The following SCOC variants were observed in gnomAD, a reference collection of about 807,000 sequenced individuals.
SCOC encodes the protein short coiled-coil protein.
A neutral mutation model predicts 9.9 loss-of-function variants in SCOC; 7 were observed. That is an observed-to-expected ratio of 0.71 (90% CI 0.40 to 1.33). The LOEUF (loss-of-function observed/expected upper bound fraction) is 1.33. Ranked by LOEUF, SCOC falls within the 40% of genes most tolerant of loss-of-function variation. SCOC has a pLI of 0.01. For missense variants in SCOC, 66 were observed against 89.7 expected (o/e 0.74, Z 1.07); for synonymous variants, 19 against 28.2 (o/e 0.67, Z 1.03).
rs1727800825 is a variant in SCOC, at chr4:140,366,438, G to A, written c.71-12683G>A. ...GCAGCAGTAGCACGCTTCGCAGCAGGTGCTTTTTTGGGAGAAGCTTTTGGA... is the reference window on the plus strand; with the variant it reads ...GCAGCAGTAGCACGCTTCGCAGCAGATGCTTTTTTGGGAGAAGCTTTTGGA... On this transcript the variant is annotated intron_variant, in intron 2 of 4. Transcript: ENST00000338517. 46 of 1,479,370 alleles carry A rather than the reference G, an allele frequency of 3.1e-5. 1 individual carries two copies. In the South Asian group the frequency reaches 5.3e-4, roughly 17 times the overall value. 91.6% of individuals were successfully genotyped at this position (1,479,370 alleles called of 1,614,324 possible). A position where few individuals can be genotyped will look rare whatever the true frequency, so the allele number is the denominator to read the frequency against.
intron 1 of SCOC, among the ~76,000 whole-genome samples, chr4:140,270,921 T>G (rs1730830257): frequency 6.6e-6 from 1 of 152,180 alleles, no homozygotes; most frequent in Non-Finnish European, 1.5e-5. Flanking sequence ...AAGTCATATC[T>G]TCACCAAGGG....
At chr4:140,274,013 T>TGGAAAATATAATCTC (rs1560677313) in intron 1 of SCOC, among the ~76,000 whole-genome samples, 2 of 152,352 alleles carry the variant, frequency 1.3e-5, no homozygotes, top group South Asian at 2.1e-4. Context: ...CTGTTTTCTA[T>TGGAAAATATAATCTC]GGAAAATATA....
chr4:140,268,472 A>G (rs914384347), intron 1 of SCOC, among the ~76,000 whole-genome samples: 9 of 152,246 alleles, frequency 5.9e-5, no homozygotes, highest in Non-Finnish European at 1.2e-4. Context: ...TTATAATGTC[A>G]TTTAAAAAAT....
chr4:140,310,421 C>G (rs905739021), intron 1 of SCOC, among the ~76,000 whole-genome samples: 6 of 152,102 alleles, frequency 3.9e-5, no homozygotes, highest in Non-Finnish European at 7.4e-5. Context: ...TTGGTATATC[C>G]TTTTTTACAA....
intron 1 of SCOC, chr4:140,285,225 C>T (rs1279274646): frequency 4.4e-6 from 2 of 456,756 alleles, no homozygotes; most frequent in East Asian, 6.9e-5. Context: ...TCTTCCTCTG[C>T]CTCCCTGCAA....
chr4:140,316,403 G>A lies in SCOC; in HGVS notation c.-18-27218G>A, dbSNP rs577528517. On this transcript the variant is annotated intron_variant, in intron 1 of 4. Transcript: ENST00000394205. ...TTAGTTGTCTGTAATGCCATTAACAGCAATTATTTCAATCTATGTATATAG... is the reference window on the plus strand; with the variant it reads ...TTAGTTGTCTGTAATGCCATTAACAACAATTATTTCAATCTATGTATATAG... 2.0e-5 allele frequency among the ~76,000 whole-genome samples: 3 copies of A among 152,216 alleles called. No homozygotes were observed. In the South Asian group the frequency reaches 6.2e-4, roughly 32 times the overall value.
intron 1 of SCOC, among the ~76,000 whole-genome samples, chr4:140,265,071 C>G (rs1032070052): frequency 7.2e-5 from 11 of 152,084 alleles, no homozygotes; most frequent in African/African-American, 1.7e-4. Flanking sequence ...TGTTGTGTCT[C>G]TTTTATATCA....
At chr4:140,306,779 G>GGTATGA (rs1732002493) in intron 1 of SCOC, among the ~76,000 whole-genome samples, 1 of 90,526 alleles carries the variant, frequency 1.1e-5, no homozygotes, top group African/African-American at 8.0e-5. Flanking sequence ...GTATGTTGTA[G>GGTATGA]GTAGGAGAAG....
upstream of SCOC, among the ~76,000 whole-genome samples, chr4:140,370,914 G>A (rs1159956515): frequency 6.1e-5 from 9 of 147,954 alleles, no homozygotes; most frequent in Admixed American, 1.3e-4. Flanking sequence ...TTTTTGAGAC[G>A]GAGTCTCACC....
intron 1 of SCOC, among the ~76,000 whole-genome samples, chr4:140,332,280 T>A (rs4956499): frequency 1.3e-5 from 2 of 151,106 alleles, no homozygotes; most frequent in Non-Finnish European, 2.9e-5. Context: ...TTTCTCCTTC[T>A]ATGTGTTTCA....
rs1280746833 is a variant in SCOC, at chr4:140,381,412, G to A, written c.*308G>A. ...CTGTCTTTTATTATAGGATTAGTAA[G>A]ATATACAAGAAAATAACCACCGTGT... is the stretch of plus-strand genomic sequence containing the variant. On this transcript the variant is annotated 3_prime_UTR_variant, in exon 4 of 4. Transcript: ENST00000608372. 1 of 177,250 alleles carries A rather than the reference G, an allele frequency of 5.6e-6. No homozygotes were observed. The highest frequency in any genetic ancestry group is 1.6e-4 in the East Asian group (1 of 6,182). 11.0% of individuals were successfully genotyped at this position (177,250 alleles called of 1,614,324 possible).
chr4:140,281,031 T>C lies in SCOC; in HGVS notation c.-19+23621T>C, dbSNP rs554607862. Among the ~76,000 whole-genome samples the C allele has an allele frequency of 3.3e-5, 5 of 152,258 alleles. 1 individual carries two copies. The highest frequency in any genetic ancestry group is 1.2e-4 in the African/African-American group (5 of 41,558). On this transcript the variant is annotated intron_variant, in intron 1 of 4. Coordinates refer to the SCOC transcript ENST00000394205. ...TGACAAGTGGTCTTCTGATATTGAA[T>C]ACAAGATTTATGCACATTTACTCAC... is the stretch of plus-strand genomic sequence containing the variant.
At chr4:140,375,342 A>G (rs989539880) in intron 1 of SCOC, among the ~76,000 whole-genome samples, 1 of 152,240 alleles carries the variant, frequency 6.6e-6, no homozygotes, top group African/African-American at 2.4e-5. Flanking sequence ...CATTGTATCT[A>G]TCCACTCATT....
upstream of SCOC, among the ~76,000 whole-genome samples, chr4:140,338,573 C>A: frequency 6.6e-6 from 1 of 152,186 alleles, no homozygotes; most frequent in East Asian, 1.9e-4. Flanking sequence ...CCAAAATCTC[C>A]TTAAGCTGAT....
intron 1 of SCOC, among the ~76,000 whole-genome samples, chr4:140,330,498 A>G (rs1732787551): frequency 6.6e-6 from 1 of 152,212 alleles, no homozygotes; most frequent in African/African-American, 2.4e-5. Flanking sequence ...GGTTCCCATA[A>G]TTTATCCACC....
At chr4:140,260,099 C>G (rs1378365871) in intron 1 of SCOC, among the ~76,000 whole-genome samples, 3 of 152,178 alleles carry the variant, frequency 2.0e-5, no homozygotes, top group Non-Finnish European at 4.4e-5. Flanking sequence ...AAACACTGTC[C>G]CATGACATTT....
Position 140,291,232 on chromosome 4 carries a change from G to A in SCOC, c.-19+33822G>A, listed in dbSNP as rs373362986. ...AGTGTGGTATTGGTAGGTATGAAAC[G>A]TGCTATCTCCAAAAGAAGCCGGGAG... is the stretch of plus-strand genomic sequence containing the variant. On this transcript the variant is annotated intron_variant, in intron 1 of 4. Coordinates refer to the SCOC transcript ENST00000394205. Among the ~76,000 whole-genome samples, 40 of 152,282 alleles carry A rather than the reference G, an allele frequency of 2.6e-4. No individual in the cohort carries two copies. In the Middle Eastern group the frequency reaches 0.01, roughly 39 times the overall value.
chr4:140,321,129 C>T (rs1401265654), intron 1 of SCOC, among the ~76,000 whole-genome samples: 7 of 152,058 alleles, frequency 4.6e-5, no homozygotes, highest in Non-Finnish European at 8.8e-5. Context: ...CTGAGGGTAA[C>T]CATAGCAATA....
rs192912255 is a variant in SCOC, at chr4:140,310,610, G to A, written c.-18-33011G>A. Reference sequence around the variant, plus strand: ...CATTCCTGCTTTGGACAATATGATAGGAGTTTTCATTCTTTTGAAAGCATT... The same window carrying A: ...CATTCCTGCTTTGGACAATATGATAAGAGTTTTCATTCTTTTGAAAGCATT... On this transcript the variant is annotated intron_variant, in intron 1 of 4. Transcript: ENST00000394205. Among the ~76,000 whole-genome samples, 4 of 152,292 alleles carry A rather than the reference G, an allele frequency of 2.6e-5. No individual in the cohort carries two copies. In the East Asian group the frequency reaches 7.7e-4, roughly 29 times the overall value.
Sources: allele counts gnomAD v4.1 joint callset (sites outside exome capture counted in the v4.1 genomes callset), GRCh38; gene constraint gnomAD v4.1.1; transcripts MANE v1.5; gene names NCBI Gene and HGNC (gene_info 2026-07-23, HGNC 2026-07-21).